The following IL1RAP variants were observed in gnomAD, a reference collection of about 807,000 sequenced individuals.
IL1RAP encodes the protein interleukin 1 receptor accessory protein.
A neutral mutation model predicts 60.7 loss-of-function variants in IL1RAP; 35 were observed. The ratio of observed to expected loss-of-function variants is 0.58; its 90% CI spans 0.44 to 0.76. The LOEUF is 0.76. IL1RAP is among the 30% of genes least tolerant of loss of function. The probability of loss-of-function intolerance (pLI) is 0.00; values close to 1 mark genes in which losing one functional copy is unlikely to be tolerated. For missense variants in IL1RAP, 572 were observed against 693.9 expected, an observed-to-expected ratio of 0.82 and a Z score of 1.97; for synonymous variants, 268 against 250.9, an observed-to-expected ratio of 1.07 and a Z score of -0.64.
intron 1 of IL1RAP, among the ~76,000 whole-genome samples, chr3:190,535,777 T>A (rs1029428975): frequency 2.6e-5 from 4 of 152,218 alleles, no homozygotes; most frequent in African/African-American, 9.6e-5. Context: ...AAAAACCCAC[T>A]GACGTTGGAT....
chr3:190,632,237 G>A (rs994124140), intron 9 of IL1RAP, among the ~76,000 whole-genome samples: 9 of 152,142 alleles, frequency 5.9e-5, no homozygotes, highest in Non-Finnish European at 1.0e-4. Context: ...AATTCCAGGC[G>A]CTCTATTTCC....
At chr3:190,655,489 T>C (rs1734583835), downstream of IL1RAP, among the ~76,000 whole-genome samples, 1 of 152,008 alleles carries the variant, frequency 6.6e-6, no homozygotes, top group Non-Finnish European at 1.5e-5. Context: ...AAATAATTTG[T>C]AAACAGAGCT....
chr3:190,556,107 A>C (rs16865595), intron 1 of IL1RAP, 23 bp from the exon 2 acceptor site: 3 of 152,056 alleles, frequency 2.0e-5, no homozygotes, highest in African/African-American at 7.2e-5. Flanking sequence ...ATTGTGTTCA[A>C]CTTTTTCATT....
intron 3 of IL1RAP, among the ~76,000 whole-genome samples, chr3:190,591,231 G>A (rs533918453): frequency 6.6e-6 from 1 of 152,330 alleles, no homozygotes; most frequent in East Asian, 1.9e-4. Flanking sequence ...CATTACCAGT[G>A]TTGCCTCATT....
intron 11 of IL1RAP, among the ~76,000 whole-genome samples, chr3:190,647,433 G>A (rs1734093417): frequency 6.6e-6 from 1 of 152,222 alleles, no homozygotes; most frequent in South Asian, 2.1e-4. Context: ...ATAAGCAACT[G>A]TGAGGAGATG....
intron 1 of IL1RAP, among the ~76,000 whole-genome samples, chr3:190,524,887 T>C (rs1185431868): frequency 1.3e-5 from 2 of 152,136 alleles, no homozygotes; most frequent in African/African-American, 4.8e-5. Flanking sequence ...TATATACACA[T>C]TTACACACAT....
At chr3:190,648,264 T>C (rs1734176873) in intron 11 of IL1RAP, 74 bp from the exon 12 acceptor site, 2 of 1,515,942 alleles carry the variant, frequency 1.3e-6, no homozygotes, top group African/African-American at 2.8e-5. Context: ...GTTCCCTACA[T>C]TTGCTCCTCA....
chr3:190,555,891 G>A (rs370251757), intron 1 of IL1RAP: 3 of 151,450 alleles, frequency 2.0e-5, no homozygotes, highest in East Asian at 1.9e-4. Flanking sequence ...TTGCTTCCTC[G>A]GTTTAAAATT....
intron 1 of IL1RAP, among the ~76,000 whole-genome samples, chr3:190,530,897 A>G (rs1722929539): frequency 6.6e-6 from 1 of 152,174 alleles, no homozygotes; most frequent in Admixed American, 6.5e-5. Flanking sequence ...TATCTGAATT[A>G]TTACAAGTGA....
chr3:190,585,306 C>T (rs1044480768), intron 3 of IL1RAP, among the ~76,000 whole-genome samples: 10 of 152,206 alleles, frequency 6.6e-5, no homozygotes, highest in African/African-American at 2.4e-4. Flanking sequence ...AAAAGGACCA[C>T]ATCAGAAGCC....
At chr3:190,586,066 A>AT (rs904352695) in intron 3 of IL1RAP, among the ~76,000 whole-genome samples, 31 of 152,038 alleles carry the variant, frequency 2.0e-4, no homozygotes, top group African/African-American at 6.3e-4. Flanking sequence ...CATTCTATGC[A>AT]TTTTTTCCAG....
chr3:190,558,188 T>C (rs1560167797), intron 2 of IL1RAP, among the ~76,000 whole-genome samples: 2 of 152,218 alleles, frequency 1.3e-5, no homozygotes, highest in Admixed American at 6.5e-5. Flanking sequence ...CATTCACTTG[T>C]AGAATGACAA....
chr3:190,651,773 A>ATGTGTGTATGTGTATGTG (rs1221405009), downstream of IL1RAP, among the ~76,000 whole-genome samples: 1 of 144,326 alleles, frequency 6.9e-6, no homozygotes, highest in Admixed American at 6.8e-5. Context: ...ATATGTGTTT[A>ATGTGTGTATGTGTATGTG]TGTGTGTATG....
chr3:190,658,542 TAAGAAGAACG>T (rs1261947979), exon 12 of IL1RAP: 1 of 152,084 alleles, frequency 6.6e-6, no homozygotes, highest in Admixed American at 6.6e-5. Flanking sequence ...TGTCAGAAAA[TAAGAAGAACG>T]AAGTCTGCTA....
chr3:190,595,405 TAAAC>T (rs886587068), intron 3 of IL1RAP, among the ~76,000 whole-genome samples: 1 of 152,246 alleles, frequency 6.6e-6, no homozygotes, highest in Non-Finnish European at 1.5e-5. Context: ...TGCTCACACT[TAAAC>T]ATATTGATTT....
At position 190,648,409 on chromosome 3, in the gene IL1RAP, G is replaced by A. The variant is rs34661910; in HGVS notation, c.1417G>A (p.Val473Met). The stretch of plus-strand genomic sequence containing the variant: ...CCTGGTTGTTCTAAGCCCCAACTAC[G>A]TGCTCCAGGGAACCCAAGCCCTCCT... ...RLLVVLSPNY[V>M]LQGTQALLEL... Residue 473 changes from valine (V) to methionine (M), a missense_variant, in exon 12 of 12, where the codon GTG becomes ATG. Val to Met is a conservative substitution (Grantham distance 21). Coordinates refer to ENST00000447382, the MANE Select transcript of IL1RAP (RefSeq NM_002182.4). 6.0e-4 allele frequency: 967 copies of A among 1,613,796 alleles called. 3 individuals are homozygous for A. The African/African-American group carries it at 0.012, about 19-fold the overall frequency.
intron 3 of IL1RAP, among the ~76,000 whole-genome samples, chr3:190,603,019 C>A (rs1326176364): frequency 2.0e-5 from 3 of 151,860 alleles, no homozygotes. Context: ...AGAAAAAATT[C>A]TTTAAAAGAA....
intron 3 of IL1RAP, among the ~76,000 whole-genome samples, chr3:190,579,196 A>G (rs1577646693): frequency 6.6e-6 from 1 of 152,324 alleles, no homozygotes; most frequent in Middle Eastern, 3.4e-3. Context: ...ATGGTTATGC[A>G]TGTGTTAAAT....
chr3:190,607,973 C>T (rs1011839054), intron 4 of IL1RAP, among the ~76,000 whole-genome samples: 6 of 152,072 alleles, frequency 3.9e-5, no homozygotes, highest in East Asian at 1.9e-4. Context: ...AAAACAAAGG[C>T]GTTTTATGAT....
Sources: gnomAD v4.1 joint callset for allele counts (sites outside exome capture counted in the v4.1 genomes callset) on GRCh38, gnomAD v4.1.1 for gene constraint, MANE v1.5 for transcripts, NCBI Gene and HGNC (gene_info 2026-07-23, HGNC 2026-07-21) for gene names.